Variants in CTNND2 observed in about 807,000 individuals in gnomAD.
CTNND2 encodes the protein catenin delta 2.
Under a neutral mutation model 144.4 loss-of-function variants are expected in CTNND2, and 22 were observed. The observed-to-expected ratio is 0.15, with a 90% CI of 0.11 to 0.22. The LOEUF is 0.22. Among genes scored for constraint, CTNND2 ranks in the 10% least tolerant of loss-of-function variants. The probability of loss-of-function intolerance (pLI) is 1.00; values close to 1 mark genes in which losing one functional copy is unlikely to be tolerated. For synonymous variants in CTNND2, 751 were observed against 695.6 expected (o/e 1.08, Z -1.25); for missense variants, 1,353 against 1,618.8 (o/e 0.84, Z 2.82).
chr5:11,504,046 C>T (rs1444476224), intron 3 of CTNND2, among the ~76,000 whole-genome samples: 2 of 152,184 alleles, frequency 1.3e-5, no homozygotes, highest in Non-Finnish European at 2.9e-5. Flanking sequence ...TATCAACGTA[C>T]AAAACATAGA....
chr5:11,388,143 A>T (rs545432888), intron 6 of CTNND2, among the ~76,000 whole-genome samples: 1 of 152,344 alleles, frequency 6.6e-6, no homozygotes, highest in East Asian at 1.9e-4. Context: ...AAGGAAAAGT[A>T]TAAACAATAA....
At chr5:11,103,768 T>C (rs1580294723) in intron 14 of CTNND2, among the ~76,000 whole-genome samples, 1 of 151,914 alleles carries the variant, frequency 6.6e-6, no homozygotes. Context: ...CTTTAAGTTA[T>C]AGAGAGTCAC....
intron 2 of CTNND2, among the ~76,000 whole-genome samples, chr5:11,713,014 T>C (rs770890974): frequency 6.6e-6 from 1 of 152,046 alleles, no homozygotes; most frequent in Non-Finnish European, 1.5e-5. Context: ...CCTGCAAAAA[T>C]GGTATGTACA....
intron 12 of CTNND2, among the ~76,000 whole-genome samples, chr5:11,128,557 G>A (rs377115248): frequency 1.5e-4 from 23 of 149,632 alleles, no homozygotes; most frequent in African/African-American, 4.7e-4. Context: ...GCTGCAGCTC[G>A]TTTTGCTCCA....
intron 3 of CTNND2, among the ~76,000 whole-genome samples, chr5:11,412,534 TAA>T (rs1451137367): frequency 6.6e-6 from 1 of 152,164 alleles, no homozygotes; most frequent in Admixed American, 6.6e-5. Flanking sequence ...TTAGTTGATT[TAA>T]GAGTTTAAGT....
chr5:11,769,023 C>T (rs1789761290), intron 1 of CTNND2, among the ~76,000 whole-genome samples: 1 of 152,198 alleles, frequency 6.6e-6, no homozygotes, highest in Admixed American at 6.5e-5. Context: ...TAAGAGGCAA[C>T]TCCCCTCAGA....
chr5:11,263,014 T>C (rs1039385045), intron 9 of CTNND2, among the ~76,000 whole-genome samples: 1 of 152,054 alleles, frequency 6.6e-6, no homozygotes, highest in African/African-American at 2.4e-5. Context: ...AAGCATAACA[T>C]TTCAGAGGTG....
chr5:11,751,013 TC>T lies in CTNND2; in HGVS notation c.38-18742del, dbSNP rs1408920229. Among the ~76,000 whole-genome samples, 12 of 151,942 alleles carry T rather than the reference TC, an allele frequency of 7.9e-5. No individual in the cohort carries two copies. The East Asian group carries it at 2.3e-3, about 29-fold the overall frequency. ...TTAAGATTTCATAGACACTCACCTG[TC>T]CGGGGTAAAATTTAGTAGACTTTTT... is the stretch of plus-strand genomic sequence containing the variant. On this transcript the variant is annotated intron_variant, in intron 1 of 21. Coordinates refer to ENST00000304623, the MANE Select transcript of CTNND2 (RefSeq NM_001332.4).
chr5:11,322,800 T>G (rs1208352442), intron 9 of CTNND2, among the ~76,000 whole-genome samples: 1 of 152,218 alleles, frequency 6.6e-6, no homozygotes, highest in Non-Finnish European at 1.5e-5. Flanking sequence ...TGCATGTATT[T>G]TTTTAAATAA....
chr5:11,875,903 C>G (rs1004994649), intron 1 of CTNND2, among the ~76,000 whole-genome samples: 4 of 152,180 alleles, frequency 2.6e-5, no homozygotes, highest in Non-Finnish European at 4.4e-5. Context: ...GTTATCAAGA[C>G]CAAATGTTGG....
intron 3 of CTNND2, among the ~76,000 whole-genome samples, chr5:11,444,313 C>T (rs1363874463): frequency 6.6e-6 from 1 of 152,096 alleles, no homozygotes; most frequent in Non-Finnish European, 1.5e-5. Context: ...AAAGTGCTAA[C>T]AAAAACATGA....
At chr5:11,423,439 A>C (rs188453157) in intron 3 of CTNND2, among the ~76,000 whole-genome samples, 172 of 152,316 alleles carry the variant, frequency 1.1e-3, no homozygotes, top group African/African-American at 4.0e-3. Context: ...CATGTATATC[A>C]AGGTTCCCAG....
intron 2 of CTNND2, among the ~76,000 whole-genome samples, chr5:11,659,405 A>G (rs1783070811): frequency 6.6e-6 from 1 of 152,140 alleles, no homozygotes; most frequent in African/African-American, 2.4e-5. Flanking sequence ...AATATAGTAT[A>G]TGCAATTAAA....
intron 2 of CTNND2, among the ~76,000 whole-genome samples, chr5:11,592,254 G>GTCTT (rs1435549238): frequency 7.0e-6 from 1 of 142,294 alleles, no homozygotes; most frequent in Non-Finnish European, 1.5e-5. Context: ...CTGCCTGCTT[G>GTCTT]CCTTCCTGCC....
chr5:11,829,013 G>A (rs1330482569), intron 1 of CTNND2, among the ~76,000 whole-genome samples: 10 of 152,120 alleles, frequency 6.6e-5, no homozygotes, highest in Admixed American at 6.6e-4. Flanking sequence ...TTTTAGAAGA[G>A]ACTGGTGGCA....
intron 9 of CTNND2, among the ~76,000 whole-genome samples, chr5:11,242,138 A>C (rs1003336197): frequency 7.9e-5 from 12 of 152,220 alleles, no homozygotes; most frequent in African/African-American, 2.9e-4. Context: ...TGTTGTGAAA[A>C]AGAAATCGAG....
At chr5:11,330,782 CAAAA>C (rs70949317) in intron 9 of CTNND2, among the ~76,000 whole-genome samples, 16,573 of 139,482 alleles carry the variant, frequency 0.12, 1,853 homozygotes, top group African/African-American at 0.3. Context: ...AACTCTGTAT[CAAAA>C]AAAAAAAAAA....
chr5:11,748,478 T>A (rs1308486855), intron 1 of CTNND2, among the ~76,000 whole-genome samples: 1 of 152,114 alleles, frequency 6.6e-6, no homozygotes. Context: ...CAACTAATTT[T>A]AAATGGACAA....
rs144534236 is a variant in CTNND2, at chr5:11,699,754, A to C, written c.174+32382T>G. On this transcript the variant is annotated intron_variant, in intron 2 of 21. Transcript: ENST00000304623. ...GCATATCATCCACGGGCTTCCTTTC[A>C]AAGTAAAAATATTTTCTAGAGCTTT... Among the ~76,000 whole-genome samples, 435 of 152,344 alleles carry C rather than the reference A, an allele frequency of 2.9e-3. 2 individuals are homozygous for C. Among genetic ancestry groups the C allele is most frequent in the African/African-American group, 9.5e-3 (395 of 41,574 alleles).
Sources: gnomAD v4.1 joint callset for allele counts (sites outside exome capture counted in the v4.1 genomes callset) on GRCh38, gnomAD v4.1.1 for gene constraint, MANE v1.5 for transcripts, NCBI Gene and HGNC (gene_info 2026-07-23, HGNC 2026-07-21) for gene names.